The following GPR158 variants were observed in gnomAD, a reference collection of about 807,000 sequenced individuals.
GPR158 encodes metabotropic glycine receptor.
Under a neutral mutation model 78.2 loss-of-function variants are expected in GPR158, and 30 were observed. That is an observed-to-expected ratio of 0.38 (90% CI 0.29 to 0.52). The LOEUF is 0.52. GPR158 is among the 20% of genes least tolerant of loss of function. The pLI is 0.83. For synonymous variants in GPR158, 581 were observed against 591.1 expected, an observed-to-expected ratio of 0.98 and a Z score of 0.25; for missense variants, 1,463 against 1,523.5, an observed-to-expected ratio of 0.96 and a Z score of 0.66.
intron 5 of GPR158, among the ~76,000 whole-genome samples, chr10:25,550,200 T>A (rs147547382): frequency 2.0e-5 from 3 of 152,192 alleles, no homozygotes; most frequent in Non-Finnish European, 2.9e-5. Flanking sequence ...ACAGTACCTA[T>A]GTTACTTGAA....
intron 2 of GPR158, among the ~76,000 whole-genome samples, chr10:25,389,209 G>T (rs1834260904): frequency 1.3e-5 from 2 of 152,164 alleles, no homozygotes; most frequent in South Asian, 4.1e-4. Flanking sequence ...GGCCACCCAT[G>T]GACCAATGGA....
intron 5 of GPR158, among the ~76,000 whole-genome samples, chr10:25,544,268 AAG>A (rs1836629180): frequency 6.7e-6 from 1 of 148,372 alleles, no homozygotes. Context: ...TAGTATCAGA[AAG>A]AGAATCAGCA....
intron 2 of GPR158, among the ~76,000 whole-genome samples, chr10:25,295,098 G>A (rs532560806): frequency 4.6e-5 from 7 of 152,162 alleles, no homozygotes; most frequent in African/African-American, 1.7e-4. Context: ...CCCCATATGC[G>A]GACCTCCCTG....
intron 2 of GPR158, among the ~76,000 whole-genome samples, chr10:25,379,981 T>C (rs1049325673): frequency 1.4e-4 from 21 of 152,240 alleles, no homozygotes; most frequent in Middle Eastern, 3.4e-3. Flanking sequence ...TTTTTCTTTT[T>C]TCTTTTGTAT....
At chr10:25,525,260 G>C (rs1407701632) in intron 5 of GPR158, among the ~76,000 whole-genome samples, 1 of 152,170 alleles carries the variant, frequency 6.6e-6, no homozygotes, top group Non-Finnish European at 1.5e-5. Context: ...ATATGACTCA[G>C]CAATGCCATT....
intron 2 of GPR158, among the ~76,000 whole-genome samples, chr10:25,320,377 A>G (rs760268213): frequency 1.3e-5 from 2 of 152,206 alleles, no homozygotes; most frequent in Non-Finnish European, 2.9e-5. Flanking sequence ...AGGCACATAC[A>G]GTCTGTGATC....
chr10:25,557,103 A>G (rs1836796065), intron 6 of GPR158, among the ~76,000 whole-genome samples: 2 of 152,250 alleles, frequency 1.3e-5, no homozygotes, highest in Non-Finnish European at 2.9e-5. Context: ...TCGAGGAAGC[A>G]CTAGTGTGGA....
At chr10:25,432,703 A>T (rs1478158337) in intron 4 of GPR158, among the ~76,000 whole-genome samples, 1 of 152,134 alleles carries the variant, frequency 6.6e-6, no homozygotes, top group Non-Finnish European at 1.5e-5. Flanking sequence ...AGGCTTGAGC[A>T]CTTCCCAATT....
intron 5 of GPR158, among the ~76,000 whole-genome samples, chr10:25,547,859 T>A (rs963116599): frequency 6.6e-6 from 1 of 152,218 alleles, no homozygotes; most frequent in African/African-American, 2.4e-5. Context: ...AGTAAATGTA[T>A]GCAAAGATGC....
intron 1 of GPR158, among the ~76,000 whole-genome samples, chr10:25,206,558 A>G (rs943102775): frequency 1.3e-5 from 2 of 152,224 alleles, no homozygotes; most frequent in Non-Finnish European, 2.9e-5. Context: ...CTCAGAGTTA[A>G]TAATTGATAA....
chr10:25,497,802 C>A (rs943623366), intron 5 of GPR158, among the ~76,000 whole-genome samples: 10 of 152,084 alleles, frequency 6.6e-5, no homozygotes, highest in East Asian at 1.9e-4. Flanking sequence ...AAAAAGGGAA[C>A]AAAGAAGAGT....
intron 2 of GPR158, among the ~76,000 whole-genome samples, chr10:25,304,931 A>G (rs1854649152): frequency 6.6e-6 from 1 of 152,190 alleles, no homozygotes; most frequent in South Asian, 2.1e-4. Context: ...TCTAACCTGT[A>G]TTTGAAGAGT....
intron 2 of GPR158, among the ~76,000 whole-genome samples, chr10:25,274,807 A>G (rs1013701485): frequency 6.6e-6 from 1 of 152,190 alleles, no homozygotes; most frequent in Admixed American, 6.5e-5. Flanking sequence ...TCTTTGGTGT[A>G]TTGTAGTGAA....
chr10:25,561,560 A>G (rs891517170), intron 6 of GPR158, among the ~76,000 whole-genome samples: 3 of 152,194 alleles, frequency 2.0e-5, no homozygotes, highest in Non-Finnish European at 2.9e-5. Flanking sequence ...TCTATATTTA[A>G]ATCTGTTTCT....
chr10:25,437,384 C>G (rs1006847261), intron 4 of GPR158, among the ~76,000 whole-genome samples: 1 of 110,662 alleles, frequency 9.0e-6, no homozygotes, highest in South Asian at 3.5e-4. Flanking sequence ...CATCGCCAAG[C>G]CTGGCTCATT....
chr10:25,537,991 A>G (rs1836522827), intron 5 of GPR158, among the ~76,000 whole-genome samples: 1 of 152,168 alleles, frequency 6.6e-6, no homozygotes. Flanking sequence ...GTATTTCTTT[A>G]TAGTGGTGCA....
intron 2 of GPR158, among the ~76,000 whole-genome samples, chr10:25,376,629 A>C (rs996141671): frequency 4.0e-5 from 6 of 151,570 alleles, no homozygotes; most frequent in Non-Finnish European, 7.4e-5. Flanking sequence ...ATCTGGGATC[A>C]TTTTCTCTCT....
At chr10:25,343,916 A>G (rs1455261604) in intron 2 of GPR158, among the ~76,000 whole-genome samples, 1 of 152,006 alleles carries the variant, frequency 6.6e-6, no homozygotes, top group Non-Finnish European at 1.5e-5. Flanking sequence ...CTGTTGAATC[A>G]GGTGTTTTAT....
At chr10:25,387,815 TCTC>T (rs1247636805) in intron 2 of GPR158, among the ~76,000 whole-genome samples, 1 of 152,112 alleles carries the variant, frequency 6.6e-6, no homozygotes, top group Non-Finnish European at 1.5e-5. Context: ...TGCCTGGGCT[TCTC>T]CTCAATTTTT....
Sources: gnomAD v4.1 joint callset for allele counts (sites outside exome capture counted in the v4.1 genomes callset) on GRCh38, gnomAD v4.1.1 for gene constraint, MANE v1.5 for transcripts, NCBI Gene and HGNC (gene_info 2026-07-23, HGNC 2026-07-21) for gene names.